Variants in EXOC4 observed in about 807,000 individuals in gnomAD.
EXOC4 encodes exocyst complex component 4, also known as SEC8-like 1.
EXOC4 carries 71 observed loss-of-function variants against 107.2 expected under a neutral mutation model. The ratio of observed to expected loss-of-function variants is 0.66; its 90% confidence interval spans 0.55 to 0.81. The LOEUF (loss-of-function observed/expected upper bound fraction) is 0.81. EXOC4 is among the 30% of genes least tolerant of loss of function. The probability of loss-of-function intolerance (pLI) is 0.00; values close to 1 mark genes in which losing one functional copy is unlikely to be tolerated. For missense variants in EXOC4, 1,108 were observed against 1,189.6 expected, an observed-to-expected ratio of 0.93 and a Z score of 1.01; for synonymous variants, 456 against 441.2, an observed-to-expected ratio of 1.03 and a Z score of -0.42.
intron 10 of EXOC4, among the ~76,000 whole-genome samples, chr7:133,645,070 G>A (rs1024509947): frequency 4.8e-5 from 7 of 146,510 alleles, no homozygotes; most frequent in African/African-American, 1.8e-4. Context: ...ATCTTTTCTG[G>A]GGAGCCTTCT....
chr7:133,460,214 G>T (rs573267643), intron 7 of EXOC4, among the ~76,000 whole-genome samples: 4 of 152,292 alleles, frequency 2.6e-5, no homozygotes, highest in Middle Eastern at 3.4e-3. Context: ...CGCATGTGCA[G>T]TTCACAGTAG....
chr7:133,604,687 T>TTTCCTTCCTTCCTTCCTTCC (rs1335117999), intron 9 of EXOC4, among the ~76,000 whole-genome samples: 129 of 148,326 alleles, frequency 8.7e-4, no homozygotes, highest in Middle Eastern at 3.4e-3. Context: ...TTTCTTTTTC[T>TTTCCTTCCTTCCTTCCTTCC]TTCCTTCCTT....
chr7:134,087,611 A>G, the EXOC4 span, among the ~76,000 whole-genome samples: 3 of 152,318 alleles, frequency 2.0e-5, no homozygotes, highest in East Asian at 3.9e-4. Context: ...TGATTTCAAT[A>G]TGTGCCCAGA....
At chr7:133,948,516 C>G (rs1677151451) in intron 14 of EXOC4, among the ~76,000 whole-genome samples, 1 of 152,092 alleles carries the variant, frequency 6.6e-6, no homozygotes. Context: ...AAACAGCTTC[C>G]TTATTAATCA....
intron 13 of EXOC4, among the ~76,000 whole-genome samples, chr7:133,925,328 T>C (rs1233473406): frequency 6.6e-6 from 1 of 152,186 alleles, no homozygotes; most frequent in Non-Finnish European, 1.5e-5. Context: ...AGGGCTTTCA[T>C]AGAAAAAAGA....
At chr7:133,948,032 C>A (rs1585269946) in intron 14 of EXOC4, among the ~76,000 whole-genome samples, 2 of 152,158 alleles carry the variant, frequency 1.3e-5, no homozygotes, top group Admixed American at 6.5e-5. Flanking sequence ...TGCAGAATCA[C>A]CAGAGCCTGA....
In EXOC4 at chr7:134,025,088, C is replaced by A. The variant is rs527278907; in HGVS notation, c.2687+17253C>A. On this transcript the variant is annotated intron_variant, in intron 17 of 17. Coordinates refer to ENST00000253861, the MANE Select transcript of EXOC4 (RefSeq NM_021807.4). Reference sequence around the variant, plus strand: ...GCCTTCCTGGCTCATCTTGGAGTTGCCCAGTACCCTTTCAATAATTCCTTC... The same window carrying A: ...GCCTTCCTGGCTCATCTTGGAGTTGACCAGTACCCTTTCAATAATTCCTTC... Among the ~76,000 whole-genome samples, 9 of 152,292 alleles carry A rather than the reference C, an allele frequency of 5.9e-5. No individual in the cohort carries two copies. In the South Asian group the frequency reaches 1.9e-3, roughly 32 times the overall value.
In EXOC4 at chr7:133,694,547, A is replaced by C. The variant is rs114449370; in HGVS notation, c.1514+64406A>C. Among the ~76,000 whole-genome samples the C allele has an allele frequency of 5.4e-3, 830 of 152,320 alleles. 9 individuals are homozygous for C. The highest frequency in any genetic ancestry group is 0.019 in the African/African-American group (774 of 41,574). On this transcript the variant is annotated intron_variant, in intron 10 of 17. Transcript: ENST00000253861. ...TGGTCTAACAGTATGTGTAAAGAAA[A>C]GCAATTGAAGATATATTCTCATTTC...
chr7:133,756,248 T>G (rs896303782), intron 10 of EXOC4, among the ~76,000 whole-genome samples: 3 of 152,156 alleles, frequency 2.0e-5, no homozygotes, highest in Non-Finnish European at 2.9e-5. Context: ...ACTTAACTGC[T>G]TTTTTTCCCC....
At chr7:133,501,138 CATT>C (rs1388752532) in intron 9 of EXOC4, among the ~76,000 whole-genome samples, 2 of 152,148 alleles carry the variant, frequency 1.3e-5, no homozygotes, top group African/African-American at 4.8e-5. Flanking sequence ...TACTCATACT[CATT>C]ATTGTATATA....
intron 17 of EXOC4, among the ~76,000 whole-genome samples, chr7:134,061,689 A>G (rs1796061894): frequency 6.6e-6 from 1 of 152,140 alleles, no homozygotes; most frequent in African/African-American, 2.4e-5. Context: ...ATTCTTAGGA[A>G]GTTCCATTAA....
chr7:133,669,369 C>A (rs981053929), intron 10 of EXOC4, among the ~76,000 whole-genome samples: 1 of 152,166 alleles, frequency 6.6e-6, no homozygotes, highest in Non-Finnish European at 1.5e-5. Context: ...GAAGCCATTG[C>A]TGAGGTGGGG....
intron 2 of EXOC4, among the ~76,000 whole-genome samples, chr7:133,277,023 G>A (rs912715717): frequency 4.6e-5 from 7 of 151,302 alleles, no homozygotes; most frequent in South Asian, 2.1e-4. Flanking sequence ...GTGCAATGGC[G>A]CGATCTAAGC....
At chr7:133,625,060 C>T (rs1585039639) in intron 9 of EXOC4, among the ~76,000 whole-genome samples, 2 of 152,164 alleles carry the variant, frequency 1.3e-5, no homozygotes, top group East Asian at 3.9e-4. Flanking sequence ...GTAATATTTC[C>T]ACAAAAATAA....
chr7:133,807,507 G>A (rs1797107188), intron 10 of EXOC4, among the ~76,000 whole-genome samples: 1 of 151,976 alleles, frequency 6.6e-6, no homozygotes, highest in Non-Finnish European at 1.5e-5. Flanking sequence ...TTTAATACGT[G>A]ACACATAAGT....
At chr7:133,532,438 C>CTG (rs1286416630) in intron 9 of EXOC4, among the ~76,000 whole-genome samples, 1 of 152,086 alleles carries the variant, frequency 6.6e-6, no homozygotes, top group Non-Finnish European at 1.5e-5. Context: ...AGTAACCACA[C>CTG]TGATCAAGAG....
intron 1 of EXOC4, among the ~76,000 whole-genome samples, chr7:133,263,269 A>T (rs1476264874): frequency 1.3e-5 from 2 of 152,184 alleles, no homozygotes; most frequent in African/African-American, 4.8e-5. Flanking sequence ...AAATATGTAC[A>T]AATATTTTGC....
At chr7:133,626,078 G>T (rs1031467417) in intron 9 of EXOC4, among the ~76,000 whole-genome samples, 1 of 152,006 alleles carries the variant, frequency 6.6e-6, no homozygotes, top group Non-Finnish European at 1.5e-5. Context: ...ATGTTGGTGC[G>T]TGCCTGTAAT....
At chr7:133,338,315 C>T (rs1017770936) in intron 5 of EXOC4, among the ~76,000 whole-genome samples, 31 of 151,652 alleles carry the variant, frequency 2.0e-4, no homozygotes, top group African/African-American at 5.6e-4. Context: ...TTATTTCAGC[C>T]GGGCGCGGTG....
Sources: allele counts gnomAD v4.1 joint callset (sites outside exome capture counted in the v4.1 genomes callset), GRCh38; gene constraint gnomAD v4.1.1; transcripts MANE v1.5; gene names NCBI Gene and HGNC (gene_info 2026-07-23, HGNC 2026-07-21).